Variants in ALDH2 observed in about 807,000 individuals in gnomAD.
ALDH2 encodes the protein aldehyde dehydrogenase, mitochondrial.
In ALDH2, 44 loss-of-function variants were observed where a neutral mutation model predicts 59.6. The ratio of observed to expected loss-of-function variants is 0.74; its 90% CI spans 0.58 to 0.95. The LOEUF (loss-of-function observed/expected upper bound fraction) is 0.95, where lower values mean the gene tolerates loss of function less well. Among genes scored for constraint, ALDH2 ranks in the 40% least tolerant of loss-of-function variants. The pLI is 0.00. For missense variants in ALDH2, 570 were observed against 696.3 expected (o/e 0.82, Z 2.04); for synonymous variants, 291 against 284.0 (o/e 1.02, Z -0.25).
At chr12:111,806,222 C>T (rs531877315) in intron 12 of ALDH2, among the ~76,000 whole-genome samples, 6 of 151,046 alleles carry the variant, frequency 4.0e-5, no homozygotes, top group African/African-American at 9.7e-5. Context: ...GAGGCTGAGG[C>T]GGAAGAATGG....
rs199724286 is a variant in ALDH2, at chr12:111,803,926, C to T, written c.1474C>T (p.Arg492Trp). Residue 492 changes from arginine to tryptophan, a missense_variant, in exon 12 of 13, where the codon CGG becomes TGG. Physicochemically the swap from Arg to Trp is moderately radical, Grantham distance 101. Transcript: ENST00000261733. ...TGGCTACAAGATGTCGGGGAGTGGC[C>T]GGGAGTTGGGCGAGTACGGGCTGCA... ...FGGYKMSGSG[R>W]ELGEYGLQAY... 11 of 1,612,852 alleles carry T rather than the reference C, an allele frequency of 6.8e-6. No homozygotes were observed. The highest frequency in any genetic ancestry group is 4.5e-5 in the East Asian group (2 of 44,828).
rs1258922120 is a variant in ALDH2 at position 111,815,597 on chromosome 12, G to A, written c.*6022G>A. The stretch of plus-strand genomic sequence containing the variant: ...CTGTATCTTCCATGCCAGGAGTAAG[G>A]GTGAGGATACCTGGCAATAATAAAA... On this transcript the variant is annotated 3_prime_UTR_variant, in exon 13 of 13. Coordinates refer to ENST00000261733, the MANE Select transcript of ALDH2 (RefSeq NM_000690.4). 1 of 152,042 alleles carries A rather than the reference G, an allele frequency of 6.6e-6. No homozygotes were observed. The highest frequency in any genetic ancestry group is 1.5e-5 in the Non-Finnish European group (1 of 68,030). 9.4% of individuals were successfully genotyped at this position (152,042 alleles called of 1,614,324 possible).
Position 111,789,954 on chromosome 12 carries a change from A to G in ALDH2, c.552+20A>G. On this transcript the variant is annotated intron_variant, in intron 5 of 12. Coordinates refer to ENST00000261733, the MANE Select transcript of ALDH2 (RefSeq NM_000690.4). ...ATTCCGGTGAGTCCAGCCTCCCTGGAGTTTCTTCAGGGTGCCCTGAGATTT... is the reference window on the plus strand; with the variant it reads ...ATTCCGGTGAGTCCAGCCTCCCTGGGGTTTCTTCAGGGTGCCCTGAGATTT... The G allele has an allele frequency of 1.2e-6, 2 of 1,607,976 alleles. No individual in the cohort carries two copies. Among genetic ancestry groups the G allele is most frequent in the East Asian group, 2.2e-5 (1 of 44,856 alleles).
intron 2 of ALDH2, 148 bp downstream of exon 2, chr12:111,782,170 A>G: frequency 1.6e-6 from 1 of 625,058 alleles, no homozygotes; most frequent in Non-Finnish European, 2.8e-6. Flanking sequence ...AATCAATAGA[A>G]ACTTGTCTGC....
Position 111,783,298 on chromosome 12 carries a change from G to A in ALDH2, c.360G>A (p.Ala120=), listed in dbSNP as rs540044752. The change falls in exon 3 of 13, where the codon GCG becomes GCA. Residue 120 remains alanine (A), a splice_region_variant and synonymous_variant. Transcript: ENST00000261733. ...TCGAGCGGGACCGGACCTACCTGGC[G>A]GTGAGTCCTCAGCCCTTCTCCCCCT... The part of the protein sequence containing the change: ...DLIERDRTYL[A]ALETLDNGKP... 26 of 1,603,670 alleles carry A rather than the reference G, an allele frequency of 1.6e-5. No individual in the cohort carries two copies. Among genetic ancestry groups the A allele is most frequent in the Admixed American group, 5.1e-5 (3 of 59,376 alleles).
rs2068419723 is a variant in ALDH2 at position 111,798,075 on chromosome 12, C to T, written c.1084-3C>T. The T allele has an allele frequency of 1.9e-6, 3 of 1,614,130 alleles. No individual in the cohort carries two copies. Among genetic ancestry groups the T allele is most frequent in the Non-Finnish European group, 2.5e-6 (3 of 1,180,042 alleles). On this transcript the variant is annotated splice_polypyrimidine_tract_variant and splice_region_variant and intron_variant, in intron 9 of 12. Transcript: ENST00000261733. ...CCATAACTCTGGGTTCCTTCTCCCA[C>T]AGGTGGATGAAACTCAGTTTAAGAA... is the stretch of plus-strand genomic sequence containing the variant.
chr12:111,789,276 C>A (rs901340215), intron 4 of ALDH2, among the ~76,000 whole-genome samples: 1 of 151,522 alleles, frequency 6.6e-6, no homozygotes, highest in African/African-American at 2.4e-5. Flanking sequence ...CTAGGCCTCC[C>A]AAAGTGCTGG....
rs1442723045 is a variant in ALDH2, at chr12:111,812,712, A to AC, written c.*3138dup. 6 of 152,126 alleles carry AC rather than the reference A, an allele frequency of 3.9e-5. No homozygotes were observed. The highest frequency in any genetic ancestry group is 1.4e-4 in the African/African-American group (6 of 41,420). 9.4% of individuals were successfully genotyped at this position (152,126 alleles called of 1,614,324 possible). On this transcript the variant is annotated 3_prime_UTR_variant, in exon 13 of 13. Coordinates refer to ENST00000261733, the MANE Select transcript of ALDH2 (RefSeq NM_000690.4). ...GCCAATATGGTGAAACCCCATCTCT[A>AC]CAAAAAAATACAAAAATTAGCTGAG...
At chr12:111,788,332 C>T (rs954220905) in intron 4 of ALDH2, among the ~76,000 whole-genome samples, 3 of 152,242 alleles carry the variant, frequency 2.0e-5, no homozygotes, top group Admixed American at 1.3e-4. Flanking sequence ...GCAGCCTCGA[C>T]TGCGAGGGGA....
At chr12:111,789,664 G>A (rs1276497702) in intron 4 of ALDH2, among the ~76,000 whole-genome samples, 159 bp from the exon 5 acceptor site, 2 of 152,082 alleles carry the variant, frequency 1.3e-5, no homozygotes, top group Non-Finnish European at 2.9e-5. Context: ...GTAGATTTTC[G>A]TGACCTTTGC....
chr12:111,805,697 A>C (rs966485014), intron 12 of ALDH2, among the ~76,000 whole-genome samples: 1 of 152,182 alleles, frequency 6.6e-6, no homozygotes, highest in African/African-American at 2.4e-5. Flanking sequence ...TTCATAAGCG[A>C]TTAATTTGGC....
At chr12:111,791,446 C>T in intron 7 of ALDH2, 27 bp downstream of exon 7, 3 of 1,554,922 alleles carry the variant, frequency 1.9e-6, no homozygotes, top group Non-Finnish European at 2.6e-6. Context: ...CTCAAGCTTG[C>T]AGCCTCCTTG....
At chr12:111,782,095 G>A (rs1290055813) in intron 2 of ALDH2, 73 bp downstream of exon 2, 2 of 1,193,022 alleles carry the variant, frequency 1.7e-6, no homozygotes, top group African/African-American at 3.0e-5. Flanking sequence ...TGTGGTGAAA[G>A]CTTTACCATA....
intron 1 of ALDH2, among the ~76,000 whole-genome samples, chr12:111,775,258 C>T (rs1209993323): frequency 2.0e-5 from 3 of 152,108 alleles, no homozygotes; most frequent in Admixed American, 6.5e-5. Flanking sequence ...GGTAGAATCG[C>T]GAGCCCCCCG....
At chr12:111,786,362 G>A (rs1195002225) in intron 4 of ALDH2, among the ~76,000 whole-genome samples, 1 of 151,282 alleles carries the variant, frequency 6.6e-6, no homozygotes, top group East Asian at 2.0e-4. Flanking sequence ...TCAGCCTCCT[G>A]AGTAGCTGGG....
rs78274783 is a variant in ALDH2, at chr12:111,769,625, G to A, written c.114+2529G>A. Among the ~76,000 whole-genome samples, 54 of 150,392 alleles carry A rather than the reference G, an allele frequency of 3.6e-4. No individual in the cohort carries two copies. In the Middle Eastern group the frequency reaches 0.01, roughly 29 times the overall value. ...TGCAACCACTTATATTCTGAAGCTCGCCGTCTCACTGAACAATGTACCTGG... is the reference window on the plus strand; with the variant it reads ...TGCAACCACTTATATTCTGAAGCTCACCGTCTCACTGAACAATGTACCTGG... On this transcript the variant is annotated intron_variant, in intron 1 of 12. Transcript: ENST00000261733.
intron 12 of ALDH2, among the ~76,000 whole-genome samples, chr12:111,807,646 G>A (rs1028945020): frequency 2.0e-5 from 3 of 152,220 alleles, no homozygotes; most frequent in Middle Eastern, 3.4e-3. Context: ...AGAGAAGAAC[G>A]TACTAAACAA....
Position 111,803,856 on chromosome 12 carries a change from C to T in ALDH2, c.1407-3C>T, listed in dbSNP as rs1450008527. The T allele has an allele frequency of 6.9e-6, 11 of 1,601,976 alleles. No individual in the cohort carries two copies. Among genetic ancestry groups the T allele is most frequent in the Non-Finnish European group, 9.4e-6 (11 of 1,172,522 alleles). On this transcript the variant is annotated splice_region_variant and splice_polypyrimidine_tract_variant and intron_variant, in intron 11 of 12. Coordinates refer to ENST00000261733, the MANE Select transcript of ALDH2 (RefSeq NM_000690.4). ...ATTTCTGCAATCTCGTTTCAAATTA[C>T]AGGGTCAACTGCTATGATGTGTTTG... is the stretch of plus-strand genomic sequence containing the variant.
In ALDH2 at chr12:111,815,604, A is replaced by C. The variant is rs2068564704; in HGVS notation, c.*6029A>C. The C allele has an allele frequency of 6.6e-6, 1 of 152,050 alleles. No homozygotes were observed. Among genetic ancestry groups the C allele is most frequent in the Non-Finnish European group, 1.5e-5 (1 of 68,008 alleles). The allele number at this position is 152,050 out of a possible 1,614,324, so 9.4% of individuals were successfully genotyped here. A position where few individuals can be genotyped will look rare whatever the true frequency, so the allele number is the denominator to read the frequency against. Reference sequence around the variant, plus strand: ...TTCCATGCCAGGAGTAAGGGTGAGGATACCTGGCAATAATAAAAATAATAA... The same window carrying C: ...TTCCATGCCAGGAGTAAGGGTGAGGCTACCTGGCAATAATAAAAATAATAA... On this transcript the variant is annotated 3_prime_UTR_variant, in exon 13 of 13. Transcript: ENST00000261733.
Sources: allele counts gnomAD v4.1 joint callset (sites outside exome capture counted in the v4.1 genomes callset), GRCh38; gene constraint gnomAD v4.1.1; transcripts MANE v1.5; gene names NCBI Gene and HGNC (gene_info 2026-07-23, HGNC 2026-07-21).